Variants in CD101 observed in about 807,000 individuals in gnomAD.
The protein encoded by CD101 is immunoglobulin superfamily member 2.
In CD101, 76 loss-of-function variants were observed where a neutral mutation model predicts 98.2. That is an observed-to-expected ratio of 0.77 (90% CI 0.64 to 0.94). The LOEUF (loss-of-function observed/expected upper bound fraction) is 0.94. Among genes scored for constraint, CD101 ranks in the 40% least tolerant of loss-of-function variants. CD101 has a pLI of 0.00. For missense variants in CD101, 1,145 were observed against 1,218.8 expected, an observed-to-expected ratio of 0.94 and a Z score of 0.90; for synonymous variants, 471 against 472.7, an observed-to-expected ratio of 1.00 and a Z score of 0.05.
chr1:117,014,020 C>T (rs1406262734), intron 4 of CD101, among the ~76,000 whole-genome samples: 2 of 152,124 alleles, frequency 1.3e-5, no homozygotes, highest in East Asian at 1.9e-4. Context: ...CACCACTTTA[C>T]GTCTCTAAGT....
At position 117,022,425 on chromosome 1, in the gene CD101, A is replaced by G. The variant is rs1653641391; in HGVS notation, c.2428+442A>G. The stretch of plus-strand genomic sequence containing the variant: ...GTGGAGAAATTGCTTCTCAACATTT[A>G]GCTGCCTAAACATAAGGCAAATAAG... On this transcript the variant is annotated intron_variant, in intron 7 of 9. Transcript: ENST00000682167. The surrounding 1 kb of genome is among the most constrained non-coding windows in gnomAD (Gnocchi z 4.8). Among the ~76,000 whole-genome samples, 1 of 152,224 alleles carries G rather than the reference A, an allele frequency of 6.6e-6. No individual in the cohort carries two copies. Among genetic ancestry groups the G allele is most frequent in the African/African-American group, 2.4e-5 (1 of 41,446 alleles).
rs12128765 is a variant in CD101, at chr1:117,005,258, A to T, written c.43+3398A>T. Among the ~76,000 whole-genome samples, 39,035 of 150,706 alleles carry T rather than the reference A, an allele frequency of 0.26. 6,559 individuals carry two copies. Among genetic ancestry groups the T allele is most frequent in the East Asian group, 0.62 (3,190 of 5,106 alleles). On this transcript the variant is annotated intron_variant, in intron 1 of 9. Transcript: ENST00000682167. The surrounding 1 kb of genome is among the most constrained non-coding windows in gnomAD (Gnocchi z 4.4). ...GCTGGCTTCACCCATTCTCCATCCC[A>T]CCCCTTCCTACCGCTCCTCACCTAG...
In CD101 at chr1:117,011,808, G is replaced by T. The variant is rs143423094; in HGVS notation, c.683G>T (p.Gly228Val). ...AGTGACGTACAGCTCAACAAACTGG[G>T]ACCCACTACATTCAGGCTGTCCATA... ...AASDVQLNKLGPTTFRLSIER... is the reference protein window; with the variant it reads ...AASDVQLNKLVPTTFRLSIER... Residue 228 changes from glycine (G) to valine (V), a missense_variant, in exon 3 of 10, where the codon GGA becomes GTA. Physicochemically the swap from Gly to Val is moderately radical, Grantham distance 109 (BLOSUM62 -3). Coordinates refer to ENST00000682167, the MANE Select transcript of CD101 (RefSeq NM_001256106.3). 48 of 1,613,978 alleles carry T rather than the reference G, an allele frequency of 3.0e-5. No homozygotes were observed. In the African/African-American group the frequency reaches 5.9e-4, roughly 20 times the overall value.
At chr1:117,013,288 AACTCC>A in intron 3 of CD101, 113 bp from the exon 4 acceptor site, 1 of 1,246,190 alleles carries the variant, frequency 8.0e-7, no homozygotes, top group Non-Finnish European at 1.1e-6. Flanking sequence ...TATAGAATTG[AACTCC>A]CACATAAAAT....
chr1:117,010,885 T>C lies in CD101; in HGVS notation c.424+655T>C, dbSNP rs1035615965. ...CAGCATGTATCCAGTTACATGGTAA[T>C]TGGCTATTTGTATGCCTCTTTCCCA... On this transcript the variant is annotated intron_variant, in intron 2 of 9. Coordinates refer to ENST00000682167, the MANE Select transcript of CD101 (RefSeq NM_001256106.3). The surrounding 1 kb of genome is among the most constrained non-coding windows in gnomAD (Gnocchi z 5.2). Among the ~76,000 whole-genome samples the C allele has an allele frequency of 1.3e-5, 2 of 152,216 alleles. No individual in the cohort carries two copies. The highest frequency in any genetic ancestry group is 2.9e-5 in the Non-Finnish European group (2 of 68,042).
intron 4 of CD101, among the ~76,000 whole-genome samples, chr1:117,015,586 G>C (rs781764910): frequency 6.6e-6 from 1 of 152,112 alleles, no homozygotes; most frequent in Non-Finnish European, 1.5e-5. Context: ...TCCTTCCTCC[G>C]CAGGGAAGAA....
rs965935076 is a variant in CD101 at position 117,036,196 on chromosome 1, A to G, written c.*62A>G. On this transcript the variant is annotated 3_prime_UTR_variant, in exon 10 of 10. Coordinates refer to ENST00000682167, the MANE Select transcript of CD101 (RefSeq NM_001256106.3). The surrounding 1 kb of genome is among the most constrained non-coding windows in gnomAD (Gnocchi z 5.0). ...CCTGCCTTGCTGCCTGTTTCTTCCCAAGCCCCGTGTGGAATGTGGTGACCT... is the reference window on the plus strand; with the variant it reads ...CCTGCCTTGCTGCCTGTTTCTTCCCGAGCCCCGTGTGGAATGTGGTGACCT... 1 of 152,264 alleles carries G rather than the reference A, an allele frequency of 6.6e-6. No homozygotes were observed. Among genetic ancestry groups the G allele is most frequent in the Non-Finnish European group, 1.5e-5 (1 of 68,088 alleles). 9.4% of individuals were successfully genotyped at this position (152,264 alleles called of 1,614,324 possible).
At position 117,033,964 on chromosome 1, in the gene CD101, T is replaced by G; in HGVS notation, c.2929T>G (p.Leu977Val). 6.2e-7 allele frequency: 1 copy of G among 1,614,164 alleles called. No individual in the cohort carries two copies. Among genetic ancestry groups the G allele is most frequent in the Non-Finnish European group, 8.5e-7 (1 of 1,180,034 alleles). ...CCTTCTGCTCATCTCCCTCCTCTGC[T>G]TATACTGGAAGGCCAGGAAGTTGTC... ...LLLLLISLLC[L>V]YWKARKLSTL... The change falls in exon 9 of 10, where the codon TTA (leucine) becomes GTA (valine). Residue 977 changes from leucine (L) to valine (V), a missense_variant. By Grantham distance (32) the Leu-to-Val change is conservative. Transcript: ENST00000682167. The surrounding 1 kb of genome is among the most constrained non-coding windows in gnomAD (Gnocchi z 4.8).
rs1367453109 is a variant in CD101, at chr1:117,004,403, T to G, written c.43+2543T>G. On this transcript the variant is annotated intron_variant, in intron 1 of 9. Transcript: ENST00000682167. This position sits in a 1 kb window ranked among gnomAD's most constrained non-coding sequence, Gnocchi z 4.1. ...ATGGACCATTTTATACAGTTCAACC[T>G]AATCGTTTTCATTCAAATAATACTG... 6.6e-6 allele frequency among the ~76,000 whole-genome samples: 1 copy of G among 152,228 alleles called. No individual in the cohort carries two copies. Among genetic ancestry groups the G allele is most frequent in the Non-Finnish European group, 1.5e-5 (1 of 68,042 alleles).
At position 117,011,445 on chromosome 1, in the gene CD101, C is replaced by G. The variant is rs546189325; in HGVS notation, c.425-105C>G. The stretch of plus-strand genomic sequence containing the variant: ...AAGCATATGGCAAGTGGAAAACCAA[C>G]TCAAAGTCTGTGTGCTTTACATAGG... On this transcript the variant is annotated intron_variant, in intron 2 of 9. Coordinates refer to ENST00000682167, the MANE Select transcript of CD101 (RefSeq NM_001256106.3). 5.2e-6 allele frequency: 5 copies of G among 963,270 alleles called. 1 individual carries two copies. In the South Asian group the frequency reaches 8.0e-5, roughly 16 times the overall value. 59.7% of individuals were successfully genotyped at this position (963,270 alleles called of 1,614,324 possible). A position where few individuals can be genotyped will look rare whatever the true frequency, so the allele number is the denominator to read the frequency against.
Position 117,023,507 on chromosome 1 carries a change from C to G in CD101, c.2428+1524C>G, listed in dbSNP as rs1009467972. 6.6e-6 allele frequency among the ~76,000 whole-genome samples: 1 copy of G among 152,042 alleles called. No homozygotes were observed. Among genetic ancestry groups the G allele is most frequent in the Non-Finnish European group, 1.5e-5 (1 of 68,010 alleles). On this transcript the variant is annotated intron_variant, in intron 7 of 9. Coordinates refer to ENST00000682167, the MANE Select transcript of CD101 (RefSeq NM_001256106.3). This position sits in a 1 kb window ranked among gnomAD's most constrained non-coding sequence, Gnocchi z 4.4. ...TCTTAGCTCACTGCAACCTCCTCCT[C>G]CTGGGTTCAAGCAATTCTCCTGCCT...
chr1:117,015,358 A>C (rs565612388), intron 4 of CD101, among the ~76,000 whole-genome samples: 1 of 152,336 alleles, frequency 6.6e-6, no homozygotes, highest in East Asian at 1.9e-4. Context: ...CATCATTTAA[A>C]AAAAAAATCA....
intron 6 of CD101, among the ~76,000 whole-genome samples, chr1:117,020,990 A>G (rs956205498): frequency 1.3e-5 from 2 of 152,228 alleles, no homozygotes; most frequent in African/African-American, 4.8e-5. Context: ...TATCTATACA[A>G]TGTTCCCACA....
intron 1 of CD101, among the ~76,000 whole-genome samples, chr1:117,003,090 C>T (rs1002935837): frequency 6.6e-6 from 1 of 151,954 alleles, no homozygotes; most frequent in African/African-American, 2.4e-5. Flanking sequence ...TGCAGTGAGC[C>T]AAGATTGAGC....
At chr1:117,034,310 T>TC (rs1429606081) in intron 9 of CD101, 176 bp downstream of exon 9, 2 of 593,220 alleles carry the variant, frequency 3.4e-6, no homozygotes, top group Non-Finnish European at 5.9e-6. Flanking sequence ...ACCTCTCGCA[T>TC]CCCCCCTTGG....
chr1:117,009,828 C>G (rs776586185), intron 1 of CD101, 22 bp from the exon 2 acceptor site: 1 of 1,570,480 alleles, frequency 6.4e-7, no homozygotes, highest in South Asian at 1.2e-5. Context: ...TTTTATTCCC[C>G]TTTCTTTCTC....
rs562877946 is a variant in CD101, at chr1:117,012,980, C to A, written c.842-426C>A. Among the ~76,000 whole-genome samples, 2 of 152,222 alleles carry A rather than the reference C, an allele frequency of 1.3e-5. No individual in the cohort carries two copies. Among genetic ancestry groups the A allele is most frequent in the Admixed American group, 1.3e-4 (2 of 15,292 alleles). On this transcript the variant is annotated intron_variant, in intron 3 of 9. Coordinates refer to ENST00000682167, the MANE Select transcript of CD101 (RefSeq NM_001256106.3). This position sits in a 1 kb window ranked among gnomAD's most constrained non-coding sequence, Gnocchi z 4.0. ...GTCCTATGGAGCGATATCACATGTGCTTTTTAACTTCAGAAAATTCTGCTG... is the reference window on the plus strand; with the variant it reads ...GTCCTATGGAGCGATATCACATGTGATTTTTAACTTCAGAAAATTCTGCTG...
In CD101 at chr1:117,019,681, A is replaced by G. The variant is rs1653451122; in HGVS notation, c.2017+1121A>G. Among the ~76,000 whole-genome samples the G allele has an allele frequency of 2.0e-5, 3 of 152,004 alleles. No individual in the cohort carries two copies. In the South Asian group the frequency reaches 6.2e-4, roughly 32 times the overall value. On this transcript the variant is annotated intron_variant, in intron 6 of 9. Coordinates refer to ENST00000682167, the MANE Select transcript of CD101 (RefSeq NM_001256106.3). This position sits in a 1 kb window ranked among gnomAD's most constrained non-coding sequence, Gnocchi z 4.3. ...CTGTATGTTCACAACTCCCACATTC[A>G]TTATCTTGACCAATTTCTCTTCTGA... is the stretch of plus-strand genomic sequence containing the variant.
At chr1:117,007,261 C>T (rs1652590686) in intron 1 of CD101, among the ~76,000 whole-genome samples, 1 of 151,908 alleles carries the variant, frequency 6.6e-6, no homozygotes, top group Non-Finnish European at 1.5e-5. Context: ...TCGCCAAGAC[C>T]CTAGAAGCAC....
Sources: gnomAD v4.1 joint callset for allele counts (sites outside exome capture counted in the v4.1 genomes callset) on GRCh38, gnomAD v4.1.1 for gene constraint, Gnocchi (gnomAD v3.1) non-coding constraint, MANE v1.5 for transcripts, NCBI Gene and HGNC (gene_info 2026-07-23, HGNC 2026-07-21) for gene names.